TXK: variants seen among roughly 807,000 people sequenced by gnomAD.
TXK encodes TXK tyrosine kinase, also known as tyrosine-protein kinase TXK.
In TXK, 60 loss-of-function variants were observed where a neutral mutation model predicts 81.0. The ratio of observed to expected loss-of-function variants is 0.74; its 90% confidence interval spans 0.60 to 0.92. TXK has a LOEUF of 0.92. TXK is among the 40% of genes least tolerant of loss of function. TXK has a pLI of 0.00. For missense variants in TXK, 581 were observed against 638.3 expected, an observed-to-expected ratio of 0.91 and a Z score of 0.97; for synonymous variants, 203 against 210.7, an observed-to-expected ratio of 0.96 and a Z score of 0.32.
At chr4:48,110,388 C>A in intron 5 of TXK, 150 bp downstream of exon 5, 2 of 589,950 alleles carry the variant, frequency 3.4e-6, no homozygotes, top group Non-Finnish European at 6.0e-6. Flanking sequence ...GTTTCTGAAT[C>A]AACCATGATA....
At chr4:48,086,733 G>A in intron 9 of TXK, 96 bp from the exon 10 acceptor site, 1 of 1,177,740 alleles carries the variant, frequency 8.5e-7, no homozygotes. Context: ...ATTTGACAGA[G>A]AGGTTAAAAA....
At chr4:48,090,073 CAGAT>C (rs571361378) in intron 8 of TXK, among the ~76,000 whole-genome samples, 161 of 152,278 alleles carry the variant, frequency 1.1e-3, no homozygotes, top group Non-Finnish European at 1.7e-3. Context: ...TTAGTATTCA[CAGAT>C]AGATTGTTAT....
chr4:48,114,312 T>C (rs1423733710), intron 2 of TXK, 36 bp downstream of exon 2: 1 of 1,608,856 alleles, frequency 6.2e-7, no homozygotes, highest in Admixed American at 1.7e-5. Flanking sequence ...CGGAATTAAT[T>C]AATTTTCAAG....
At chr4:48,120,687 C>T (rs1349161915) in intron 1 of TXK, among the ~76,000 whole-genome samples, 3 of 152,072 alleles carry the variant, frequency 2.0e-5, no homozygotes, top group Non-Finnish European at 4.4e-5. Context: ...GATGGGGTTT[C>T]ACCATTTTGG....
intron 1 of TXK, among the ~76,000 whole-genome samples, chr4:48,130,418 C>A (rs1291188643): frequency 2.0e-5 from 3 of 152,140 alleles, no homozygotes; most frequent in Non-Finnish European, 2.9e-5. Flanking sequence ...CCAAGCAGGT[C>A]ATGGTGCCTC....
chr4:48,117,330 G>T (rs1718840740), intron 1 of TXK, among the ~76,000 whole-genome samples: 1 of 152,078 alleles, frequency 6.6e-6, no homozygotes, highest in Admixed American at 6.5e-5. Flanking sequence ...GTCTTTGTAG[G>T]GTTGCTACAG....
intron 6 of TXK, among the ~76,000 whole-genome samples, chr4:48,103,568 C>T (rs1718285244): frequency 6.6e-6 from 1 of 152,194 alleles, no homozygotes; most frequent in African/African-American, 2.4e-5. Context: ...TTCTCATTCG[C>T]ATTTCTAGAT....
At chr4:48,132,687 T>C (rs950122928) in intron 1 of TXK, among the ~76,000 whole-genome samples, 5 of 152,176 alleles carry the variant, frequency 3.3e-5, no homozygotes, top group African/African-American at 1.2e-4. Context: ...TGGTGGCTCA[T>C]GCCTGTAATC....
At chr4:48,094,541 G>A (rs1190129365) in intron 7 of TXK, among the ~76,000 whole-genome samples, 1 of 152,170 alleles carries the variant, frequency 6.6e-6, no homozygotes, top group Non-Finnish European at 1.5e-5. Context: ...AATTGGAGAT[G>A]GGAGACAAGA....
At chr4:48,110,354 C>A (rs555696868) in intron 5 of TXK, among the ~76,000 whole-genome samples, 184 bp downstream of exon 5, 1 of 152,172 alleles carries the variant, frequency 6.6e-6, no homozygotes, top group East Asian at 1.9e-4. Flanking sequence ...CAAAACAGAA[C>A]AAAAATAAGT....
intron 14 of TXK, 28 bp from the exon 15 acceptor site, chr4:48,067,733 C>G (rs759605449): frequency 6.2e-7 from 1 of 1,604,826 alleles, no homozygotes; most frequent in African/African-American, 1.3e-5. Flanking sequence ...GGGTGGTTAG[C>G]TCAGCTTAAC....
chr4:48,124,570 T>C lies in TXK; in HGVS notation c.16+9585A>G, dbSNP rs369335974. On this transcript the variant is annotated intron_variant, in intron 1 of 14. Transcript: ENST00000264316. ...CATTACATCTGAGCTCTTCTTTTTT[T>C]CCACTCATTCATCTTATCACCCAGT... 1.0e-3 allele frequency among the ~76,000 whole-genome samples: 153 copies of C among 152,204 alleles called. 1 individual carries two copies. The highest frequency in any genetic ancestry group is 3.3e-3 in the African/African-American group (136 of 41,520).
At chr4:48,126,217 G>A (rs2109485642) in intron 1 of TXK, among the ~76,000 whole-genome samples, 1 of 152,232 alleles carries the variant, frequency 6.6e-6, no homozygotes, top group Non-Finnish European at 1.5e-5. Context: ...ATCCTTCTCA[G>A]ACTATTCAAC....
intron 1 of TXK, among the ~76,000 whole-genome samples, chr4:48,127,477 C>T (rs1484506360): frequency 6.6e-6 from 1 of 152,226 alleles, no homozygotes; most frequent in Non-Finnish European, 1.5e-5. Context: ...AGCTCTTGAG[C>T]TTTTAGCAAA....
intron 10 of TXK, among the ~76,000 whole-genome samples, chr4:48,083,842 G>C (rs913567643): frequency 6.6e-6 from 1 of 152,102 alleles, no homozygotes; most frequent in Non-Finnish European, 1.5e-5. Context: ...TACTTTGATG[G>C]AACTAACACA....
intron 1 of TXK, among the ~76,000 whole-genome samples, chr4:48,123,765 A>T (rs1719015566): frequency 6.6e-6 from 1 of 152,098 alleles, no homozygotes; most frequent in Admixed American, 6.5e-5. Context: ...GATTCACCCC[A>T]TATACCCATT....
intron 1 of TXK, among the ~76,000 whole-genome samples, chr4:48,121,513 T>C (rs1231382458): frequency 6.6e-6 from 1 of 152,216 alleles, no homozygotes; most frequent in Non-Finnish European, 1.5e-5. Flanking sequence ...CTCCGACAGA[T>C]ATCAAAATCC....
At chr4:48,132,089 T>G (rs1719260400) in intron 1 of TXK, among the ~76,000 whole-genome samples, 1 of 151,792 alleles carries the variant, frequency 6.6e-6, no homozygotes, top group Admixed American at 6.6e-5. Context: ...TTGGCTCCTA[T>G]GAGGGGATTT....
At chr4:48,128,529 A>T (rs16860999) in intron 1 of TXK, among the ~76,000 whole-genome samples, 1 of 144,488 alleles carries the variant, frequency 6.9e-6, no homozygotes, top group African/African-American at 2.6e-5. Context: ...AAACTTCCTC[A>T]TTACTCTGCC....
Sources: gnomAD v4.1 joint callset for allele counts (sites outside exome capture counted in the v4.1 genomes callset) on GRCh38, gnomAD v4.1.1 for gene constraint, MANE v1.5 for transcripts, NCBI Gene and HGNC (gene_info 2026-07-23, HGNC 2026-07-21) for gene names.